Variants in ZNG1B observed in about 807,000 individuals in gnomAD.
ZNG1B encodes Zn regulated GTPase metalloprotein activator 1B, also known as zinc-regulated GTPase metalloprotein activator 1B.
chr2:113,460,682 G>A, the ZNG1B span: 12 of 1,594,576 alleles, frequency 7.5e-6, no homozygotes, highest in Non-Finnish European at 9.3e-6. Context: ...GCATTTAGCA[G>A]AAGAGAAACC....
the ZNG1B span, chr2:113,471,232 T>C: frequency 2.2e-6 from 3 of 1,366,196 alleles, no homozygotes; most frequent in Non-Finnish European, 2.0e-6. Context: ...ATGAGGTATA[T>C]TCTTGGAAGT....
chr2:113,488,183 T>A, the ZNG1B span, among the ~76,000 whole-genome samples: 32,655 of 151,830 alleles, frequency 0.22, 3,971 homozygotes, highest in East Asian at 0.52. Flanking sequence ...ATGGTTCACA[T>A]CTCCCGACTC....
chr2:113,472,668 T>G, the ZNG1B span, among the ~76,000 whole-genome samples: 4 of 151,974 alleles, frequency 2.6e-5, no homozygotes, highest in East Asian at 7.7e-4. Flanking sequence ...TTGTATAAGG[T>G]GTAAGGAAGG....
At chr2:113,453,254 T>G in the ZNG1B span, 2 of 1,587,908 alleles carry the variant, frequency 1.3e-6, no homozygotes, top group South Asian at 1.2e-5. Context: ...TTTTTTTTAT[T>G]TTTTTCTGAG....
At chr2:113,458,576 A>G in the ZNG1B span, among the ~76,000 whole-genome samples, 25,458 of 125,146 alleles carry the variant, frequency 0.2, 2,962 homozygotes, top group East Asian at 0.51. Context: ...AAGAATTCTA[A>G]TATTTTGGAG....
chr2:113,476,876 C>T, the ZNG1B span, among the ~76,000 whole-genome samples: 1 of 152,236 alleles, frequency 6.6e-6, no homozygotes, highest in Non-Finnish European at 1.5e-5. Context: ...TCTGCCAGTT[C>T]TCAGATCTCC....
chr2:113,482,061 GAAT>G, the ZNG1B span: 1 of 909,346 alleles, frequency 1.1e-6, no homozygotes, highest in Non-Finnish European at 1.6e-6. Context: ...TGGAATTACA[GAAT>G]ATTAGAATAG....
the ZNG1B span, among the ~76,000 whole-genome samples, chr2:113,489,174 C>A: frequency 6.6e-6 from 1 of 151,616 alleles, no homozygotes; most frequent in East Asian, 2.0e-4. Context: ...AGAAACCCTG[C>A]AAGCCAGAAG....
At chr2:113,438,531 CT>C in the ZNG1B span, among the ~76,000 whole-genome samples, 7 of 151,236 alleles carry the variant, frequency 4.6e-5, no homozygotes, top group South Asian at 2.1e-4. Context: ...ATCTTAAACA[CT>C]TTTTTTTTGA....
At chr2:113,478,031 A>G in the ZNG1B span, among the ~76,000 whole-genome samples, 2 of 150,226 alleles carry the variant, frequency 1.3e-5, no homozygotes, top group South Asian at 2.1e-4. Flanking sequence ...CATTTTCTAC[A>G]TATACCACAT....
the ZNG1B span, among the ~76,000 whole-genome samples, chr2:113,485,898 T>C: frequency 6.6e-6 from 1 of 152,044 alleles, no homozygotes; most frequent in Non-Finnish European, 1.5e-5. Context: ...TAAATTTTAT[T>C]TTAGAGACAA....
chr2:113,475,895 C>T, the ZNG1B span, among the ~76,000 whole-genome samples: 78 of 152,190 alleles, frequency 5.1e-4, no homozygotes, highest in African/African-American at 1.8e-3. Flanking sequence ...GAGGGTAACC[C>T]GACCTTTCTC....
At chr2:113,484,802 A>T in the ZNG1B span, among the ~76,000 whole-genome samples, 1 of 148,930 alleles carries the variant, frequency 6.7e-6, no homozygotes, top group African/African-American at 2.5e-5. Context: ...AGCTGGGATT[A>T]CAGGCATGTA....
At chr2:113,487,456 A>G in the ZNG1B span, among the ~76,000 whole-genome samples, 2 of 152,182 alleles carry the variant, frequency 1.3e-5, no homozygotes, top group Non-Finnish European at 2.9e-5. Flanking sequence ...AACTGTATGT[A>G]CATTGTTATA....
chr2:113,474,374 C>G, the ZNG1B span, among the ~76,000 whole-genome samples: 4 of 148,756 alleles, frequency 2.7e-5, no homozygotes, highest in Middle Eastern at 3.5e-3. Flanking sequence ...TGATTCTTCT[C>G]TCTTTTTTTC....
chr2:113,439,874 A>ATTTTTTTT, the ZNG1B span, among the ~76,000 whole-genome samples: 8 of 68,892 alleles, frequency 1.2e-4, 1 homozygote, highest in East Asian at 4.6e-4. Context: ...CCTTCCCTTA[A>ATTTTTTTT]TTTTTTTTTT....
At chr2:113,472,966 C>T in the ZNG1B span, among the ~76,000 whole-genome samples, 4 of 150,564 alleles carry the variant, frequency 2.7e-5, no homozygotes, top group South Asian at 2.1e-4. Context: ...CTTGGCGATG[C>T]GGGCTCTTTT....
the ZNG1B span, among the ~76,000 whole-genome samples, chr2:113,442,698 G>A: frequency 4.0e-5 from 6 of 151,728 alleles, no homozygotes; most frequent in Non-Finnish European, 8.8e-5. Context: ...TTAATGTTCT[G>A]TATATAGTCC....
the ZNG1B span, among the ~76,000 whole-genome samples, chr2:113,468,069 A>T: frequency 2.8e-4 from 42 of 152,002 alleles, no homozygotes; most frequent in Non-Finnish European, 5.7e-4. Flanking sequence ...GAGGAGCAAC[A>T]GGTCGGGTAG....
Sources: allele counts gnomAD v4.1 joint callset (sites outside exome capture counted in the v4.1 genomes callset), GRCh38; gene constraint gnomAD v4.1.1; transcripts MANE v1.5; gene names NCBI Gene and HGNC (gene_info 2026-07-23, HGNC 2026-07-21).